Variants in MAP7 observed in about 807,000 individuals in gnomAD.
The protein encoded by MAP7 is microtubule associated protein 7.
A neutral mutation model predicts 94.8 loss-of-function variants in MAP7; 52 were observed. The observed-to-expected ratio is 0.55, with a 90% CI of 0.44 to 0.69. MAP7 has a LOEUF of 0.69. Among genes scored for constraint, MAP7 ranks in the 30% least tolerant of loss-of-function variants. The pLI is 0.00. For synonymous variants in MAP7, 350 were observed against 357.0 expected (o/e 0.98, Z 0.22); for missense variants, 940 against 964.6 (o/e 0.97, Z 0.34).
chr6:136,397,920 C>G (rs1230970806), intron 3 of MAP7, among the ~76,000 whole-genome samples: 1 of 152,124 alleles, frequency 6.6e-6, no homozygotes, highest in Non-Finnish European at 1.5e-5. Flanking sequence ...AACCTTTACT[C>G]TTCTGAAGTC....
chr6:136,482,582 C>G (rs1813208148), intron 1 of MAP7, among the ~76,000 whole-genome samples: 1 of 146,594 alleles, frequency 6.8e-6, no homozygotes, highest in Non-Finnish European at 1.5e-5. Flanking sequence ...GCCTGGGCAA[C>G]AGAGGGAGGC....
chr6:136,543,369 C>G (rs1272300782), intron 1 of MAP7, among the ~76,000 whole-genome samples: 5 of 152,206 alleles, frequency 3.3e-5, no homozygotes, highest in African/African-American at 1.2e-4. Context: ...CAATGTGGGG[C>G]TGGGTGCAGC....
intron 1 of MAP7, among the ~76,000 whole-genome samples, chr6:136,528,145 C>T (rs1482768552): frequency 6.6e-6 from 1 of 152,182 alleles, no homozygotes; most frequent in African/African-American, 2.4e-5. Flanking sequence ...AAAATTTAGA[C>T]CATCTTCCTC....
At chr6:136,510,147 A>G (rs1219334079) in intron 1 of MAP7, among the ~76,000 whole-genome samples, 1 of 152,208 alleles carries the variant, frequency 6.6e-6, no homozygotes, top group Non-Finnish European at 1.5e-5. Flanking sequence ...GGTTGCAGTG[A>G]GCCAAGATCG....
rs565347320 is a variant in MAP7, at chr6:136,408,833, C to G, written c.244+2787G>C. 7.2e-5 allele frequency among the ~76,000 whole-genome samples: 11 copies of G among 152,066 alleles called. No individual in the cohort carries two copies. The East Asian group carries it at 2.1e-3, about 29-fold the overall frequency. Reference sequence around the variant, plus strand: ...GCTTCTATAAAGCACAGTTCATAGACAGTTGATCAGGTGTGCCCTTTGATT... The same window carrying G: ...GCTTCTATAAAGCACAGTTCATAGAGAGTTGATCAGGTGTGCCCTTTGATT... On this transcript the variant is annotated intron_variant, in intron 3 of 17. Coordinates refer to ENST00000354570, the MANE Select transcript of MAP7 (RefSeq NM_003980.6).
At chr6:136,409,727 T>C (rs1182875498) in intron 3 of MAP7, among the ~76,000 whole-genome samples, 1 of 152,232 alleles carries the variant, frequency 6.6e-6, no homozygotes, top group Non-Finnish European at 1.5e-5. Context: ...AGTGGATGCA[T>C]TGCACTGTGA....
chr6:136,422,966 T>C (rs1425750232), intron 1 of MAP7, among the ~76,000 whole-genome samples: 1 of 152,208 alleles, frequency 6.6e-6, no homozygotes, highest in Non-Finnish European at 1.5e-5. Flanking sequence ...ACATAACCAG[T>C]TGAGTGGCGA....
intron 1 of MAP7, chr6:136,476,042 T>G (rs1312307744): frequency 1.3e-5 from 2 of 152,244 alleles, no homozygotes; most frequent in Non-Finnish European, 2.9e-5. Context: ...ATACATTCTT[T>G]TTTGAAAGCA....
chr6:136,364,517 A>C, intron 10 of MAP7: 1 of 256,348 alleles, frequency 3.9e-6, no homozygotes, highest in Admixed American at 5.2e-5. Context: ...AAATTCTTTG[A>C]AAACTCTCTC....
chr6:136,360,803 A>G lies in MAP7; in HGVS notation c.1702-5T>C, dbSNP rs1489774561. On this transcript the variant is annotated splice_polypyrimidine_tract_variant and splice_region_variant and intron_variant, in intron 12 of 17. Transcript: ENST00000354570. ...AACGCGAGCTTCTTCTTCTTTCTGA[A>G]AACAGAAGGTCGGCGTCTGCCTCTG... The G allele has an allele frequency of 7.4e-6, 12 of 1,613,472 alleles. No individual in the cohort carries two copies. Among genetic ancestry groups the G allele is most frequent in the Non-Finnish European group, 1.0e-5 (12 of 1,179,964 alleles).
At chr6:136,543,147 C>T (rs1333958062) in intron 1 of MAP7, among the ~76,000 whole-genome samples, 1 of 152,178 alleles carries the variant, frequency 6.6e-6, no homozygotes, top group Non-Finnish European at 1.5e-5. Flanking sequence ...CACACAAAAA[C>T]CTGTAGGTAA....
intron 1 of MAP7, among the ~76,000 whole-genome samples, chr6:136,437,412 T>G (rs1238942083): frequency 6.6e-6 from 1 of 152,134 alleles, no homozygotes; most frequent in Non-Finnish European, 1.5e-5. Flanking sequence ...GTTAGATGAC[T>G]TATCACTGTG....
intron 1 of MAP7, among the ~76,000 whole-genome samples, chr6:136,473,682 T>C (rs1456765599): frequency 1.3e-5 from 2 of 152,194 alleles, no homozygotes; most frequent in Non-Finnish European, 2.9e-5. Flanking sequence ...AGGCTGCCTA[T>C]AGAGTTGTAC....
chr6:136,502,501 C>T (rs1369312197), intron 1 of MAP7, among the ~76,000 whole-genome samples: 1 of 152,202 alleles, frequency 6.6e-6, no homozygotes, highest in African/African-American at 2.4e-5. Flanking sequence ...GTATGGGAAA[C>T]ATAACTGCAA....
chr6:136,504,000 A>G (rs1014549940), intron 1 of MAP7, among the ~76,000 whole-genome samples: 2 of 152,256 alleles, frequency 1.3e-5, no homozygotes, highest in Non-Finnish European at 2.9e-5. Flanking sequence ...GGAATAGTAA[A>G]TAAACTGCAG....
At chr6:136,348,851 A>AT (rs1310538187) in intron 16 of MAP7, among the ~76,000 whole-genome samples, 1 of 152,156 alleles carries the variant, frequency 6.6e-6, no homozygotes, top group Non-Finnish European at 1.5e-5. Flanking sequence ...AAAACTTCTT[A>AT]TTTAAAAAAA....
At chr6:136,420,948 T>C (rs543250590) in intron 2 of MAP7, among the ~76,000 whole-genome samples, 99 of 152,322 alleles carry the variant, frequency 6.5e-4, no homozygotes, top group African/African-American at 2.2e-3. Context: ...GGATGCAGCA[T>C]GAAGTAGGTT....
rs377404982 is a variant in MAP7 at position 136,363,220 on chromosome 6, C to T, written c.1274-518G>A. Among the ~76,000 whole-genome samples the T allele has an allele frequency of 2.1e-4, 32 of 152,310 alleles. No homozygotes were observed. In the East Asian group the frequency reaches 3.1e-3, roughly 15 times the overall value. The stretch of plus-strand genomic sequence containing the variant: ...CTCTAGGTCTGAGATGGGAGGAGCT[C>T]GGGGCCTCTTTGGGAGCTGGTGCTC... On this transcript the variant is annotated intron_variant, in intron 10 of 17. Transcript: ENST00000354570.
chr6:136,429,511 C>T (rs1794266026), intron 1 of MAP7, among the ~76,000 whole-genome samples: 1 of 152,210 alleles, frequency 6.6e-6, no homozygotes, highest in Non-Finnish European at 1.5e-5. Context: ...CTTTCCCAAG[C>T]AGTTAATAAA....
Sources: gnomAD v4.1 joint callset for allele counts (sites outside exome capture counted in the v4.1 genomes callset) on GRCh38, gnomAD v4.1.1 for gene constraint, MANE v1.5 for transcripts, NCBI Gene and HGNC (gene_info 2026-07-23, HGNC 2026-07-21) for gene names.